Variants in SEMA3D observed in about 807,000 individuals in gnomAD.
SEMA3D encodes the protein semaphorin-3D.
Under a neutral mutation model 100.1 loss-of-function variants are expected in SEMA3D, and 84 were observed. The observed-to-expected ratio is 0.84, with a 90% confidence interval of 0.70 to 1.01. The LOEUF is 1.01. Ranked by LOEUF, SEMA3D falls within the 50% of genes least tolerant of loss-of-function variation. The pLI is 0.00. For missense variants in SEMA3D, 875 were observed against 934.1 expected, an observed-to-expected ratio of 0.94 and a Z score of 0.82; for synonymous variants, 312 against 320.7, an observed-to-expected ratio of 0.97 and a Z score of 0.29.
chr7:85,176,795 G>T (rs10234230), intron 1 of SEMA3D, among the ~76,000 whole-genome samples: 81,305 of 131,374 alleles, frequency 0.62, 22,775 homozygotes, highest in Non-Finnish European at 0.67. Context: ...TATATATATA[G>T]AGAGAGAGAG....
chr7:85,209,809 C>T, the SEMA3D span, among the ~76,000 whole-genome samples: 1 of 152,076 alleles, frequency 6.6e-6, no homozygotes, highest in East Asian at 1.9e-4. Flanking sequence ...CATGTGTGCA[C>T]ATATTTAATT....
chr7:85,111,594 C>A (rs1789096098), intron 3 of SEMA3D, among the ~76,000 whole-genome samples: 2 of 151,988 alleles, frequency 1.3e-5, no homozygotes, highest in Admixed American at 1.3e-4. Flanking sequence ...ATTACAATAG[C>A]CTCAAACTTG....
upstream of SEMA3D, among the ~76,000 whole-genome samples, chr7:85,189,234 T>C (rs1373023428): frequency 3.3e-5 from 5 of 152,160 alleles, no homozygotes; most frequent in African/African-American, 9.7e-5. Flanking sequence ...ATGTCTTGAA[T>C]GTGTTAGGTG....
the SEMA3D span, among the ~76,000 whole-genome samples, chr7:85,209,939 A>G: frequency 6.6e-6 from 1 of 152,108 alleles, no homozygotes. Context: ...AATGCCTTCA[A>G]AAATTTCCAA....
chr7:85,181,097 T>C (rs1791389344), intron 1 of SEMA3D, among the ~76,000 whole-genome samples: 1 of 152,210 alleles, frequency 6.6e-6, no homozygotes, highest in Non-Finnish European at 1.5e-5. Context: ...CAACATGATT[T>C]ACAACCCACT....
In SEMA3D at chr7:85,037,037, G is replaced by GA. The variant is rs540755428; in HGVS notation, c.1047-5dup. On this transcript the variant is annotated splice_polypyrimidine_tract_variant and splice_region_variant and intron_variant, in intron 11 of 18. Coordinates refer to ENST00000284136, the MANE Select transcript of SEMA3D (RefSeq NM_001384900.1). ...AGCAGAGCCTTTGAAGATGGAGCTG[G>GA]AAAAAAAAAGCATCATCATTCAATC... 441 of 1,575,492 alleles carry GA rather than the reference G, an allele frequency of 2.8e-4. No homozygotes were observed. Among genetic ancestry groups the GA allele is most frequent in the South Asian group, 2.2e-3 (189 of 85,830 alleles).
At chr7:85,088,921 G>A (rs1222041587) in intron 4 of SEMA3D, among the ~76,000 whole-genome samples, 3 of 152,030 alleles carry the variant, frequency 2.0e-5, no homozygotes, top group South Asian at 4.1e-4. Flanking sequence ...CAGAAGCCTC[G>A]CTTGCATTTT....
At chr7:85,227,895 G>A in the SEMA3D span, among the ~76,000 whole-genome samples, 2 of 152,136 alleles carry the variant, frequency 1.3e-5, no homozygotes, top group African/African-American at 2.4e-5. Flanking sequence ...TTTCCATGGC[G>A]AATCACAATG....
the SEMA3D span, among the ~76,000 whole-genome samples, chr7:85,217,277 A>G: frequency 1.3e-5 from 2 of 151,994 alleles, no homozygotes; most frequent in Non-Finnish European, 2.9e-5. Flanking sequence ...ATAGCTGCAT[A>G]TGCCTGTTTC....
intron 18 of SEMA3D, among the ~76,000 whole-genome samples, chr7:85,005,309 AATC>A (rs1789764561): frequency 6.6e-6 from 1 of 152,064 alleles, no homozygotes; most frequent in Non-Finnish European, 1.5e-5. Flanking sequence ...GAAATTAAAT[AATC>A]ATTTCTGTAT....
At position 85,108,641 on chromosome 7, in the gene SEMA3D, C is replaced by G. The variant is rs576812666; in HGVS notation, c.152-10676G>C. On this transcript the variant is annotated intron_variant, in intron 3 of 18. Transcript: ENST00000284136. ...AGAAAGGTTTAAAATACACTGTGCC[C>G]CTGTTATTCTCAGCTTGCCTGCATT... is the stretch of plus-strand genomic sequence containing the variant. 1.2e-3 allele frequency among the ~76,000 whole-genome samples: 184 copies of G among 152,084 alleles called. 2 individuals are homozygous for G. The highest frequency in any genetic ancestry group is 7.7e-3 in the South Asian group (37 of 4,828).
At chr7:85,205,155 C>T in the SEMA3D span, among the ~76,000 whole-genome samples, 9 of 152,016 alleles carry the variant, frequency 5.9e-5, no homozygotes, top group African/African-American at 1.2e-4. Context: ...TCATTATTGA[C>T]GTGTTTGAGT....
Position 85,156,227 on chromosome 7 carries a change from T to C in SEMA3D, c.-172-2488A>G, listed in dbSNP as rs1040665143. On this transcript the variant is annotated intron_variant, in intron 1 of 18. Coordinates refer to ENST00000284136, the MANE Select transcript of SEMA3D (RefSeq NM_001384900.1). ...AAGTGATTCTCTGGCCTCAGCCTCCTGAGTAGCTGGGACTACAAGCGCGTG... is the reference window on the plus strand; with the variant it reads ...AAGTGATTCTCTGGCCTCAGCCTCCCGAGTAGCTGGGACTACAAGCGCGTG... 1.3e-5 allele frequency among the ~76,000 whole-genome samples: 2 copies of C among 151,820 alleles called. 1 individual carries two copies. The highest frequency in any genetic ancestry group is 4.8e-5 in the African/African-American group (2 of 41,364).
intron 8 of SEMA3D, among the ~76,000 whole-genome samples, chr7:85,057,769 A>G (rs569816053): frequency 6.6e-6 from 1 of 152,126 alleles, no homozygotes; most frequent in South Asian, 2.1e-4. Flanking sequence ...CCTGTCTACT[A>G]AAAATACAAA....
intron 1 of SEMA3D, among the ~76,000 whole-genome samples, chr7:85,176,210 A>C (rs1290361188): frequency 1.3e-5 from 2 of 152,170 alleles, no homozygotes; most frequent in Non-Finnish European, 2.9e-5. Flanking sequence ...TAAGTTGTCA[A>C]GACAAGATCA....
chr7:85,007,293 A>G (rs1298729685), intron 17 of SEMA3D, among the ~76,000 whole-genome samples: 1 of 151,778 alleles, frequency 6.6e-6, no homozygotes, highest in Non-Finnish European at 1.5e-5. Flanking sequence ...TGTTAATATA[A>G]AATATAAACA....
chr7:85,112,421 C>T (rs1277612038), intron 3 of SEMA3D, among the ~76,000 whole-genome samples: 1 of 152,094 alleles, frequency 6.6e-6, no homozygotes, highest in Non-Finnish European at 1.5e-5. Flanking sequence ...AGGTTCAAAA[C>T]ATAATTACTG....
At chr7:85,191,640 G>C (rs1791696078), upstream of SEMA3D, among the ~76,000 whole-genome samples, 1 of 152,042 alleles carries the variant, frequency 6.6e-6, no homozygotes, top group Admixed American at 6.6e-5. Flanking sequence ...CTGAAACCCA[G>C]ACATACCTGT....
chr7:85,202,621 C>T, the SEMA3D span, among the ~76,000 whole-genome samples: 11 of 151,982 alleles, frequency 7.2e-5, no homozygotes, highest in Admixed American at 5.2e-4. Context: ...CCAGAATCTA[C>T]AATGAACTCA....
Sources: gnomAD v4.1 joint callset for allele counts (sites outside exome capture counted in the v4.1 genomes callset) on GRCh38, gnomAD v4.1.1 for gene constraint, MANE v1.5 for transcripts, NCBI Gene and HGNC (gene_info 2026-07-23, HGNC 2026-07-21) for gene names.